The following TYRP1 variants were observed in gnomAD, a reference collection of about 807,000 sequenced individuals.
The protein encoded by TYRP1 is tyrosinase related protein 1.
Under a neutral mutation model 42.8 loss-of-function variants are expected in TYRP1, and 49 were observed. That is an observed-to-expected ratio of 1.14 (90% CI 0.91 to 1.45). TYRP1 has a LOEUF of 1.45. Among genes scored for constraint, TYRP1 ranks in the 40% most tolerant of loss-of-function variants. The probability of loss-of-function intolerance (pLI) is 0.00; values close to 1 mark genes in which losing one functional copy is unlikely to be tolerated. For synonymous variants in TYRP1, 279 were observed against 235.4 expected, an observed-to-expected ratio of 1.19 and a Z score of -1.69; for missense variants, 848 against 662.0, an observed-to-expected ratio of 1.28 and a Z score of -3.08.
intron 4 of TYRP1, among the ~76,000 whole-genome samples, chr9:12,699,078 A>C (rs1424423766): frequency 6.6e-6 from 1 of 152,136 alleles, no homozygotes; most frequent in Non-Finnish European, 1.5e-5. Flanking sequence ...AAAAGAAAAG[A>C]AGCAAACCAA....
Position 12,694,197 on chromosome 9 carries a change from AGT to A in TYRP1, c.203_204del (p.Val68AspfsTer14). 1.9e-6 allele frequency: 3 copies of A among 1,613,924 alleles called. No homozygotes were observed. Among genetic ancestry groups the A allele is most frequent in the Non-Finnish European group, 2.5e-6 (3 of 1,179,954 alleles). ...CATCAGGGAGGGGCAGATGTGAGGC[AGT>A]GACTGCAGACTCCCGGCCCCACAGC... ...SSSGRGRCEAVTADSRPHSPQ... is the reference protein window; with the variant it reads ...SSSGRGRCEAXTADSRPHSPQ... On this transcript the variant is annotated frameshift_variant, in exon 2 of 8. Coordinates refer to ENST00000388918, the MANE Select transcript of TYRP1 (RefSeq NM_000550.3). LOFTEE classifies it high-confidence loss of function.
At chr9:12,708,194 G>A (rs1563858113) in intron 7 of TYRP1, 51 bp downstream of exon 7, 3 of 1,601,164 alleles carry the variant, frequency 1.9e-6, no homozygotes, top group Admixed American at 3.4e-5. Flanking sequence ...AAGCAAATGT[G>A]TTATCTTTCA....
In TYRP1 at chr9:12,702,354, G is replaced by T. The variant is rs746135416; in HGVS notation, c.997G>T (p.Val333Phe). 9.3e-6 allele frequency: 15 copies of T among 1,613,030 alleles called. No individual in the cohort carries two copies. Among genetic ancestry groups the T allele is most frequent in the Non-Finnish European group, 1.3e-5 (15 of 1,179,506 alleles). Reference sequence around the variant, plus strand: ...GCAACGTCTTCCTGAACCACAGGATGTCGCTCAGTGCTTGGAAGTTGGTTT... The same window carrying T: ...GCAACGTCTTCCTGAACCACAGGATTTCGCTCAGTGCTTGGAAGTTGGTTT... ...MVQRLPEPQD[V>F]AQCLEVGLFD... Residue 333 changes from valine (V) to phenylalanine (F), a missense_variant, in exon 5 of 8, where the codon GTC becomes TTC. Transcript: ENST00000388918.
In TYRP1 at chr9:12,701,908, G is replaced by A. The variant is rs1006318370; in HGVS notation, c.914-363G>A. On this transcript the variant is annotated intron_variant, in intron 4 of 7. Coordinates refer to ENST00000388918, the MANE Select transcript of TYRP1 (RefSeq NM_000550.3). ...ATATATGTGACATAAAGATTTTAGT[G>A]TAGAACTAGATTTATGAGATTATTT... 5.7e-5 allele frequency: 12 copies of A among 211,010 alleles called. No homozygotes were observed. In the East Asian group the frequency reaches 1.4e-3, roughly 25 times the overall value. The allele number at this position is 211,010 out of a possible 1,614,324, so 13.1% of individuals were successfully genotyped here.
At position 12,708,123 on chromosome 9, in the gene TYRP1, C is replaced by A. The variant is rs370228098; in HGVS notation, c.1388C>A (p.Thr463Asn). Residue 463 changes from threonine (T) to asparagine (N), a missense_variant, in exon 7 of 8, where the codon ACT becomes AAT. Physicochemically the swap from Thr to Asn is moderately conservative, Grantham distance 65. Transcript: ENST00000388918. ...FVTAPDNLGY[T>N]YEIQWPSREF... ...ACTGCTCCAGACAACCTGGGATACA[C>A]TTATGAAATTCAATGGCCAAGTGAG... The A allele has an allele frequency of 2.2e-5, 35 of 1,612,692 alleles. No individual in the cohort carries two copies. Among genetic ancestry groups the A allele is most frequent in the Non-Finnish European group, 2.9e-5 (34 of 1,179,250 alleles).
At chr9:12,701,153 T>G (rs956051696) in intron 4 of TYRP1, among the ~76,000 whole-genome samples, 1 of 151,902 alleles carries the variant, frequency 6.6e-6, no homozygotes, top group African/African-American at 2.4e-5. Context: ...CCCACCCATC[T>G]AAGGTTTTGA....
At chr9:12,696,664 A>G (rs1470088057) in intron 3 of TYRP1, among the ~76,000 whole-genome samples, 1 of 152,166 alleles carries the variant, frequency 6.6e-6, no homozygotes, top group Admixed American at 6.6e-5. Context: ...GATAAGCTTC[A>G]AACATATTAA....
intron 6 of TYRP1, among the ~76,000 whole-genome samples, chr9:12,706,851 T>G (rs1239525010): frequency 6.6e-6 from 1 of 151,994 alleles, no homozygotes; most frequent in Non-Finnish European, 1.5e-5. Context: ...ATGGAATTCT[T>G]TTTCAAAATG....
rs566527702 is a variant in TYRP1 at position 12,710,226 on chromosome 9, G to C, written c.*1044G>C. ...AAAGAACTGTATAAGGTGGTCATAA[G>C]TGAATATTTTAATTAAAATTGGTAA... On this transcript the variant is annotated 3_prime_UTR_variant, in exon 8 of 8. Transcript: ENST00000388918. 20 of 149,708 alleles carry C rather than the reference G, an allele frequency of 1.3e-4. No individual in the cohort carries two copies. The highest frequency in any genetic ancestry group is 4.6e-4 in the African/African-American group (19 of 41,274). The allele number at this position is 149,708 out of a possible 1,614,324, so 9.3% of individuals were successfully genotyped here.
intron 5 of TYRP1, among the ~76,000 whole-genome samples, chr9:12,702,834 A>G (rs1430665219): frequency 6.6e-6 from 1 of 152,054 alleles, no homozygotes; most frequent in Non-Finnish European, 1.5e-5. Context: ...AAAAAATTCC[A>G]AACAATTAGT....
intron 6 of TYRP1, among the ~76,000 whole-genome samples, chr9:12,707,499 T>A (rs1818277327): frequency 6.6e-6 from 1 of 151,836 alleles, no homozygotes. Flanking sequence ...CAGTACTGTG[T>A]AGATATATGG....
Position 12,709,276 on chromosome 9 carries a change from A to T in TYRP1, c.*94A>T. 8.0e-7 allele frequency: 1 copy of T among 1,249,580 alleles called. No homozygotes were observed. The highest frequency in any genetic ancestry group is 1.2e-6 in the Non-Finnish European group (1 of 860,568). 77.4% of individuals were successfully genotyped at this position (1,249,580 alleles called of 1,614,324 possible). On this transcript the variant is annotated 3_prime_UTR_variant, in exon 8 of 8. Coordinates refer to ENST00000388918, the MANE Select transcript of TYRP1 (RefSeq NM_000550.3). ...TAACTGTATTTTCTTTCACTTTATT[A>T]CCTTCTTTCTAATACAAGCATATGT...
At chr9:12,693,832 A>C in intron 1 of TYRP1, 80 bp from the exon 2 acceptor site, 1 of 794,698 alleles carries the variant, frequency 1.3e-6, no homozygotes, top group Non-Finnish European at 2.0e-6. Flanking sequence ...TTCCATTTTG[A>C]AAGTGGTTTG....
intron 4 of TYRP1, chr9:12,701,751 C>G (rs554815851): frequency 5.8e-5 from 9 of 154,438 alleles, no homozygotes; most frequent in African/African-American, 1.9e-4. Flanking sequence ...TTATTTCTCA[C>G]ATTAATTGCT....
intron 4 of TYRP1, among the ~76,000 whole-genome samples, chr9:12,701,090 G>A (rs886102234): frequency 6.6e-6 from 1 of 151,844 alleles, no homozygotes; most frequent in African/African-American, 2.4e-5. Context: ...ATTCCTTTCT[G>A]GAGACCACTG....
Position 12,709,188 on chromosome 9 carries a change from G to A in TYRP1, c.*6G>A, listed in dbSNP as rs2118278598. ...CTAATCAGTCTGTGGTCTAACAAAT[G>A]CCCTACTCTCTTATGCATTAGTATC... On this transcript the variant is annotated 3_prime_UTR_variant, in exon 8 of 8. Coordinates refer to ENST00000388918, the MANE Select transcript of TYRP1 (RefSeq NM_000550.3). 1 of 1,611,668 alleles carries A rather than the reference G, an allele frequency of 6.2e-7. No homozygotes were observed. The highest frequency in any genetic ancestry group is 8.5e-7 in the Non-Finnish European group (1 of 1,178,356).
At chr9:12,698,773 T>C (rs544012536) in intron 4 of TYRP1, 118 bp downstream of exon 4, 6 of 983,976 alleles carry the variant, frequency 6.1e-6, no homozygotes, top group Admixed American at 2.0e-5. Context: ...ACTTTTATTA[T>C]AGAGTAACAG....
chr9:12,704,721 A>T lies in TYRP1; in HGVS notation c.1261+16A>T, dbSNP rs371479464. 4 of 1,611,694 alleles carry T rather than the reference A, an allele frequency of 2.5e-6. No homozygotes were observed. The highest frequency in any genetic ancestry group is 3.4e-6 in the Non-Finnish European group (4 of 1,178,420). On this transcript the variant is annotated intron_variant, in intron 6 of 7. Transcript: ENST00000388918. ...TACAATGCTGGTAAGACATTTTCAT[A>T]TGCCTTTTGCATGCTCAGCTGGGCG...
rs758093517 is a variant in TYRP1 at position 12,702,423 on chromosome 9, C to T, written c.1066C>T (p.Arg356Ter). 24 of 1,612,520 alleles carry T rather than the reference C, an allele frequency of 1.5e-5. No individual in the cohort carries two copies. The highest frequency in any genetic ancestry group is 6.7e-5 in the African/African-American group (5 of 74,876). ...PFYSNSTNSF[R>*]NTVEGYSDPT... Reference sequence around the variant, plus strand: ...TTATTCCAACTCTACAAACAGTTTCCGAAACACAGTGGAAGGCAAGTAAAT... The same window carrying T: ...TTATTCCAACTCTACAAACAGTTTCTGAAACACAGTGGAAGGCAAGTAAAT... Residue 356 changes from arginine to a stop codon, truncating the protein, a stop_gained, in exon 5 of 8, where the codon CGA (arginine) becomes TGA (stop). Transcript: ENST00000388918. LOFTEE classifies it high-confidence loss of function.
Sources: gnomAD v4.1 joint callset for allele counts (sites outside exome capture counted in the v4.1 genomes callset) on GRCh38, gnomAD v4.1.1 for gene constraint, MANE v1.5 for transcripts, NCBI Gene and HGNC (gene_info 2026-07-23, HGNC 2026-07-21) for gene names.